Variants in CNTN5 observed in about 807,000 individuals in gnomAD.
CNTN5 encodes contactin 5, also known as contactin-5.
In CNTN5, 77 loss-of-function variants were observed where a neutral mutation model predicts 129.1. That is an observed-to-expected ratio of 0.60 (90% CI 0.50 to 0.72). The LOEUF is 0.72. CNTN5 is among the 30% of genes least tolerant of loss of function. The pLI, the probability that CNTN5 is intolerant of heterozygous loss-of-function variation, is 0.00. For synonymous variants in CNTN5, 509 were observed against 465.6 expected (o/e 1.09, Z -1.20); for missense variants, 1,478 against 1,328.8 (o/e 1.11, Z -1.75).
intron 3 of CNTN5, among the ~76,000 whole-genome samples, chr11:99,744,357 G>A (rs576010651): frequency 2.0e-5 from 3 of 151,772 alleles, no homozygotes; most frequent in South Asian, 2.1e-4. Flanking sequence ...AAAACACAGA[G>A]CAACAAGTCT....
rs961160825 is a variant in CNTN5, at chr11:99,797,225, G to A, written c.56-22319G>A. ...CTGTGATGAACATAGGAGTGCAGGC[G>A]TAATTTTTGTAAAATGATCTATTTT... On this transcript the variant is annotated intron_variant, in intron 3 of 24. Coordinates refer to ENST00000524871, the MANE Select transcript of CNTN5 (RefSeq NM_014361.4). Among the ~76,000 whole-genome samples the A allele has an allele frequency of 5.3e-5, 8 of 152,118 alleles. No individual in the cohort carries two copies. The East Asian group carries it at 7.7e-4, about 15-fold the overall frequency.
chr11:99,215,728 C>T (rs1860081651), intron 1 of CNTN5, among the ~76,000 whole-genome samples: 1 of 152,144 alleles, frequency 6.6e-6, no homozygotes, highest in Non-Finnish European at 1.5e-5. Flanking sequence ...GAGAATTGTA[C>T]TACATTTTCT....
At chr11:99,624,885 C>T (rs1051956137) in intron 3 of CNTN5, among the ~76,000 whole-genome samples, 1 of 152,094 alleles carries the variant, frequency 6.6e-6, no homozygotes, top group African/African-American at 2.4e-5. Context: ...ACCCATCACC[C>T]CTAAAGGGAG....
intron 6 of CNTN5, among the ~76,000 whole-genome samples, chr11:99,860,769 C>T (rs890356079): frequency 2.6e-5 from 4 of 151,822 alleles, no homozygotes; most frequent in Non-Finnish European, 4.4e-5. Context: ...AGGATTGCTT[C>T]GGCTATTTGA....
chr11:99,456,857 T>C (rs1488902694), intron 2 of CNTN5, among the ~76,000 whole-genome samples: 1 of 152,030 alleles, frequency 6.6e-6, no homozygotes, highest in East Asian at 1.9e-4. Context: ...TAGGGCACAT[T>C]CTCAAAGAAT....
At chr11:99,584,678 G>C (rs1390911088) in intron 3 of CNTN5, among the ~76,000 whole-genome samples, 3 of 152,136 alleles carry the variant, frequency 2.0e-5, no homozygotes, top group Non-Finnish European at 4.4e-5. Context: ...CAAACAGGAG[G>C]CATACACAAA....
At chr11:99,155,002 C>A (rs983765886) in intron 1 of CNTN5, among the ~76,000 whole-genome samples, 2 of 152,134 alleles carry the variant, frequency 1.3e-5, no homozygotes, top group African/African-American at 4.8e-5. Flanking sequence ...GATTCTGCTA[C>A]CTATCTAAGC....
intron 1 of CNTN5, among the ~76,000 whole-genome samples, chr11:99,252,033 C>T (rs545215719): frequency 6.6e-6 from 1 of 152,134 alleles, no homozygotes; most frequent in Admixed American, 6.6e-5. Context: ...CCTCAATTCT[C>T]ATTTTATTCA....
intron 9 of CNTN5, among the ~76,000 whole-genome samples, chr11:100,055,369 A>G (rs1046638332): frequency 5.3e-5 from 8 of 151,360 alleles, no homozygotes; most frequent in Admixed American, 1.3e-4. Context: ...TGCTGTTGCT[A>G]TTACTATTAT....
In CNTN5 at chr11:99,338,398, G is replaced by T. The variant is rs1015263394; in HGVS notation, c.-71+12914G>T. ...AAATCACAAGAATGAGTAGGGCATG[G>T]TGTCCACCATGTCTGACAGGGTTCC... On this transcript the variant is annotated intron_variant, in intron 2 of 24. Transcript: ENST00000524871. Among the ~76,000 whole-genome samples, 3 of 152,296 alleles carry T rather than the reference G, an allele frequency of 2.0e-5. No individual in the cohort carries two copies. In the South Asian group the frequency reaches 6.2e-4, roughly 32 times the overall value.
intron 2 of CNTN5, among the ~76,000 whole-genome samples, chr11:99,545,873 C>T (rs1051909963): frequency 1.3e-5 from 2 of 152,210 alleles, no homozygotes; most frequent in African/African-American, 2.4e-5. Flanking sequence ...CATTCTCTCC[C>T]TGCACGTAGC....
intron 1 of CNTN5, among the ~76,000 whole-genome samples, chr11:99,208,438 A>G (rs2135660035): frequency 6.6e-6 from 1 of 152,260 alleles, no homozygotes; most frequent in African/African-American, 2.4e-5. Context: ...TACCCTAAGG[A>G]TATGTCCTTT....
chr11:100,112,141 G>A (rs1402586809), intron 13 of CNTN5, among the ~76,000 whole-genome samples: 1 of 152,106 alleles, frequency 6.6e-6, no homozygotes, highest in Non-Finnish European at 1.5e-5. Context: ...AGATGCCTGT[G>A]TAATTTCTGG....
intron 1 of CNTN5, among the ~76,000 whole-genome samples, chr11:99,165,927 T>C (rs947086684): frequency 6.6e-6 from 1 of 152,212 alleles, no homozygotes; most frequent in Non-Finnish European, 1.5e-5. Context: ...GGTTGAGAAG[T>C]CAACATTAAT....
chr11:99,227,298 T>G (rs545483535), intron 1 of CNTN5, among the ~76,000 whole-genome samples: 56 of 151,564 alleles, frequency 3.7e-4, no homozygotes, highest in Admixed American at 3.1e-3. Flanking sequence ...AGGCAAAGAT[T>G]GCAGTTAGCT....
chr11:99,962,123 G>C (rs909918209), intron 8 of CNTN5, among the ~76,000 whole-genome samples: 2 of 150,488 alleles, frequency 1.3e-5, no homozygotes, highest in South Asian at 2.1e-4. Context: ...ATTACTCTAA[G>C]GAAGACGTAG....
At chr11:100,097,255 C>G (rs1945040575) in intron 13 of CNTN5, among the ~76,000 whole-genome samples, 1 of 152,028 alleles carries the variant, frequency 6.6e-6, no homozygotes, top group Non-Finnish European at 1.5e-5. Flanking sequence ...AATCTAGCTT[C>G]CTCATTTTAC....
chr11:99,319,003 T>C (rs1184361511), intron 1 of CNTN5, among the ~76,000 whole-genome samples: 1 of 152,208 alleles, frequency 6.6e-6, no homozygotes, highest in Non-Finnish European at 1.5e-5. Context: ...ATTCTGTTTA[T>C]AGAAAAGGTG....
In CNTN5 at chr11:99,866,946, A is replaced by G. The variant is rs149921716; in HGVS notation, c.577+21684A>G. ...GACAGACATGCTTGGGTTATTTGGA[A>G]TTGTATAGATAGTTGGAGGTTTTTA... is the stretch of plus-strand genomic sequence containing the variant. On this transcript the variant is annotated intron_variant, in intron 6 of 24. Coordinates refer to ENST00000524871, the MANE Select transcript of CNTN5 (RefSeq NM_014361.4). 3.6e-3 allele frequency among the ~76,000 whole-genome samples: 553 copies of G among 152,296 alleles called. 1 individual carries two copies. Among genetic ancestry groups the G allele is most frequent in the African/African-American group, 0.012 (513 of 41,576 alleles).
Sources: allele counts gnomAD v4.1 joint callset (sites outside exome capture counted in the v4.1 genomes callset), GRCh38; gene constraint gnomAD v4.1.1; transcripts MANE v1.5; gene names NCBI Gene and HGNC (gene_info 2026-07-23, HGNC 2026-07-21).